The following HABP4 variants were observed in gnomAD, a reference collection of about 807,000 sequenced individuals.
HABP4 encodes the protein intracellular hyaluronan-binding protein 4.
HABP4 carries 32 observed loss-of-function variants against 44.1 expected under a neutral mutation model. That is an observed-to-expected ratio of 0.73 (90% CI 0.55 to 0.97). The LOEUF (loss-of-function observed/expected upper bound fraction) is 0.97, where lower values mean the gene tolerates loss of function less well. Among genes scored for constraint, HABP4 ranks in the 50% least tolerant of loss-of-function variants. HABP4 has a pLI of 0.00. For synonymous variants in HABP4, 216 were observed against 218.0 expected (o/e 0.99, Z 0.08); for missense variants, 503 against 561.9 (o/e 0.90, Z 1.06).
Position 96,450,176 on chromosome 9 carries a change from G to C in HABP4, c.-104G>C, listed in dbSNP as rs1259600923. On this transcript the variant is annotated 5_prime_UTR_variant, in exon 1 of 8. Transcript: ENST00000375249. This position sits in a 1 kb window ranked among gnomAD's most constrained non-coding sequence, Gnocchi z 4.8. ...GTAGGGGCCGGACAGGGTAGGGCCC[G>C]GAGGGCGGTGGCGGCGGAGCGGGCG... 2 of 1,142,652 alleles carry C rather than the reference G, an allele frequency of 1.8e-6. No homozygotes were observed. The highest frequency in any genetic ancestry group is 2.2e-6 in the Non-Finnish European group (2 of 919,126). The allele number at this position is 1,142,652 out of a possible 1,614,324, so 70.8% of individuals were successfully genotyped here.
chr9:96,451,703 A>C (rs1264620296), intron 1 of HABP4, among the ~76,000 whole-genome samples: 1 of 152,244 alleles, frequency 6.6e-6, no homozygotes, highest in East Asian at 1.9e-4. Flanking sequence ...TCATCACTTG[A>C]GAATCAAGTC....
At position 96,450,400 on chromosome 9, in the gene HABP4, A is replaced by G. The variant is rs1251913319; in HGVS notation, c.121A>G (p.Ile41Val). 2.6e-6 allele frequency: 2 copies of G among 773,038 alleles called. No individual in the cohort carries two copies. The highest frequency in any genetic ancestry group is 3.6e-6 in the Non-Finnish European group (2 of 549,748). The allele number at this position is 773,038 out of a possible 1,614,324, so 47.9% of individuals were successfully genotyped here. ...GGACGACGAGTCGGACCCGTTCGACATCCTGCGCGAGGCCGAGCGCCGGCG... is the reference window on the plus strand; with the variant it reads ...GGACGACGAGTCGGACCCGTTCGACGTCCTGCGCGAGGCCGAGCGCCGGCG... ...LLDDESDPFD[I>V]LREAERRRQQ... Residue 41 changes from isoleucine to valine, a missense_variant, in exon 1 of 8, where the codon ATC (isoleucine) becomes GTC (valine). By Grantham distance (29) the Ile-to-Val change is conservative. Around this residue, in one of 3 missense-constraint regions of HABP4, gnomAD observed 290 missense variants for 300.5 expected, o/e 0.97. Transcript: ENST00000375249. The surrounding 1 kb of genome is among the most constrained non-coding windows in gnomAD (Gnocchi z 4.8).
intron 4 of HABP4, 92 bp from the exon 5 acceptor site, chr9:96,470,911 CCCAAAAAA>C (rs1749944512): frequency 4.7e-6 from 3 of 637,910 alleles, no homozygotes; most frequent in African/African-American, 1.9e-5. Context: ...AAAAAAAAAA[CCCAAAAAA>C]CCAAAAAAAC....
At chr9:96,462,145 C>T (rs966376705) in intron 2 of HABP4, among the ~76,000 whole-genome samples, 2 of 100,396 alleles carry the variant, frequency 2.0e-5, no homozygotes, top group African/African-American at 3.8e-5. Flanking sequence ...GATTCTGTCT[C>T]AAAAAAAAAA....
At chr9:96,484,655 T>A in intron 6 of HABP4, 22 bp downstream of exon 6, 1 of 1,355,020 alleles carries the variant, frequency 7.4e-7, no homozygotes, top group Non-Finnish European at 1.1e-6. Context: ...ATTTCGTATG[T>A]AGAGGTAATC....
chr9:96,474,132 G>C (rs949924025), intron 5 of HABP4, among the ~76,000 whole-genome samples: 1 of 152,146 alleles, frequency 6.6e-6, no homozygotes, highest in East Asian at 1.9e-4. Context: ...AAGAGTGAAA[G>C]GCCACAGTGA....
rs574414615 is a variant in HABP4, at chr9:96,465,016, G to A, written c.513-321G>A. On this transcript the variant is annotated intron_variant, in intron 2 of 7. Transcript: ENST00000375249. ...AGAAAGGAATGCCCCATTCAGATTA[G>A]TACTATGCCTGTCTAGCACCTGCTT... Among the ~76,000 whole-genome samples the A allele has an allele frequency of 9.2e-5, 14 of 152,246 alleles. No homozygotes were observed. The South Asian group carries it at 2.5e-3, about 27-fold the overall frequency.
rs373615461 is a variant in HABP4, at chr9:96,458,556, C to T, written c.512+15C>T. Reference sequence around the variant, plus strand: ...CCAGATGAAAAGTATGTGCTGCAGTCCTCAGCAGGGCGGGTGGGGAACCAG... The same window carrying T: ...CCAGATGAAAAGTATGTGCTGCAGTTCTCAGCAGGGCGGGTGGGGAACCAG... On this transcript the variant is annotated intron_variant, in intron 2 of 7. Transcript: ENST00000375249. 6 of 1,586,026 alleles carry T rather than the reference C, an allele frequency of 3.8e-6. No individual in the cohort carries two copies. The African/African-American group carries it at 8.1e-5, about 21-fold the overall frequency.
In HABP4 at chr9:96,456,759, C is replaced by CAAAAAA. The variant is rs764603456; in HGVS notation, c.350-1603_350-1598dup. Among the ~76,000 whole-genome samples, 11 of 24,728 alleles carry CAAAAAA rather than the reference C, an allele frequency of 4.4e-4. 1 individual carries two copies. The highest frequency in any genetic ancestry group is 1.2e-3 in the African/African-American group (6 of 4,868). 16.2% of individuals were successfully genotyped at this position (24,728 alleles called of 152,430 possible). ...TGGGCAACAGAGCAAGACTCCATCT[C>CAAAAAA]AAAAAAAAAAAAAAAAAAAAAATAT... On this transcript the variant is annotated intron_variant, in intron 1 of 7. Transcript: ENST00000375249.
chr9:96,481,327 C>T (rs1028378336), intron 5 of HABP4, among the ~76,000 whole-genome samples: 2 of 152,096 alleles, frequency 1.3e-5, no homozygotes, highest in African/African-American at 4.8e-5. Flanking sequence ...CACCTGACCT[C>T]ATGATCCACC....
At chr9:96,464,520 C>T (rs888431043) in intron 2 of HABP4, among the ~76,000 whole-genome samples, 2 of 152,172 alleles carry the variant, frequency 1.3e-5, no homozygotes, top group Admixed American at 1.3e-4. Flanking sequence ...TTCTGTGAAT[C>T]TTGAATTGGC....
chr9:96,459,049 C>G (rs1050637733), intron 2 of HABP4, among the ~76,000 whole-genome samples: 2 of 152,218 alleles, frequency 1.3e-5, no homozygotes, highest in South Asian at 4.1e-4. Context: ...CTCATAGATG[C>G]CTTTACGTCT....
intron 2 of HABP4, among the ~76,000 whole-genome samples, chr9:96,459,430 C>T (rs1293309818): frequency 2.0e-5 from 3 of 152,106 alleles, no homozygotes; most frequent in Admixed American, 6.6e-5. Flanking sequence ...AGTGATGTGG[C>T]AGCATGGTGG....
chr9:96,489,318 C>A (rs540058490), intron 7 of HABP4, among the ~76,000 whole-genome samples: 4 of 152,246 alleles, frequency 2.6e-5, no homozygotes, highest in African/African-American at 7.2e-5. Context: ...TGTTGGGAAA[C>A]CACTCTGAGA....
At chr9:96,456,236 G>C (rs1305239020) in intron 1 of HABP4, among the ~76,000 whole-genome samples, 1 of 151,916 alleles carries the variant, frequency 6.6e-6, no homozygotes, top group Non-Finnish European at 1.5e-5. Context: ...CTGTTGTGCA[G>C]CTTTCACACT....
chr9:96,456,276 T>G (rs1441526240), intron 1 of HABP4, among the ~76,000 whole-genome samples: 1 of 152,160 alleles, frequency 6.6e-6, no homozygotes, highest in African/African-American at 2.4e-5. Flanking sequence ...AGGAATAAAT[T>G]ATATAATTTT....
In HABP4 at chr9:96,450,665, G is replaced by A. The variant is rs539806963; in HGVS notation, c.349+37G>A. ...CAGCGGGGTTAGCGGACCACGGCTC[G>A]GCCCGCTGTGAGACTGGGGTCCCGG... On this transcript the variant is annotated intron_variant, in intron 1 of 7. Transcript: ENST00000375249. This position sits in a 1 kb window ranked among gnomAD's most constrained non-coding sequence, Gnocchi z 4.8. 2 of 1,239,090 alleles carry A rather than the reference G, an allele frequency of 1.6e-6. No individual in the cohort carries two copies. Among genetic ancestry groups the A allele is most frequent in the Non-Finnish European group, 1.0e-6 (1 of 989,636 alleles). The allele number at this position is 1,239,090 out of a possible 1,614,324, so 76.8% of individuals were successfully genotyped here.
At chr9:96,473,212 A>G (rs1832725115) in intron 5 of HABP4, among the ~76,000 whole-genome samples, 2 of 152,076 alleles carry the variant, frequency 1.3e-5, no homozygotes, top group Admixed American at 1.3e-4. Context: ...CCATCTGCCT[A>G]CTGGACACTT....
chr9:96,467,058 G>C (rs554786380), intron 4 of HABP4, among the ~76,000 whole-genome samples: 12 of 151,902 alleles, frequency 7.9e-5, no homozygotes, highest in Non-Finnish European at 1.2e-4. Context: ...AGGTAGGTGG[G>C]ACTACAGGTG....
Sources: gnomAD v4.1 joint callset for allele counts (sites outside exome capture counted in the v4.1 genomes callset) on GRCh38, gnomAD v4.1.1 for gene constraint, gnomAD v4.1.1 regional missense constraint, Gnocchi (gnomAD v3.1) non-coding constraint, MANE v1.5 for transcripts, NCBI Gene and HGNC (gene_info 2026-07-23, HGNC 2026-07-21) for gene names.